Variants in AGBL1 observed in about 807,000 individuals in gnomAD.
AGBL1 encodes the protein cytosolic carboxypeptidase 4.
A neutral mutation model predicts 118.9 loss-of-function variants in AGBL1; 130 were observed. That is an observed-to-expected ratio of 1.09 (90% confidence interval 0.95 to 1.26). The LOEUF (loss-of-function observed/expected upper bound fraction) is 1.26, where lower values mean the gene tolerates loss of function less well. Ranked by LOEUF, AGBL1 falls within the 50% of genes most tolerant of loss-of-function variation. The pLI is 0.00. For missense variants in AGBL1, 1,584 were observed against 1,298.1 expected (o/e 1.22, Z -3.38); for synonymous variants, 555 against 478.9 (o/e 1.16, Z -2.08).
At chr15:86,156,438 G>A (rs1230128051) in intron 4 of AGBL1, among the ~76,000 whole-genome samples, 1 of 152,048 alleles carries the variant, frequency 6.6e-6, no homozygotes, top group Non-Finnish European at 1.5e-5. Flanking sequence ...CACCTTAATG[G>A]CCTCATTTTA....
intron 21 of AGBL1, among the ~76,000 whole-genome samples, chr15:86,568,942 GAAAATAAATAATTCCT>G (rs2083959953): frequency 6.6e-6 from 1 of 151,654 alleles, no homozygotes; most frequent in Non-Finnish European, 1.5e-5. Context: ...TTTAAAAGTT[GAAAATAAATAATTCCT>G]AGTATGAGAT....
chr15:86,597,522 A>G (rs775350803), intron 21 of AGBL1, among the ~76,000 whole-genome samples: 3 of 152,174 alleles, frequency 2.0e-5, no homozygotes, highest in Admixed American at 6.6e-5. Flanking sequence ...CACTAGAAGT[A>G]TAAGACATCT....
chr15:86,588,391 G>A (rs879665711), intron 21 of AGBL1, among the ~76,000 whole-genome samples: 18 of 152,256 alleles, frequency 1.2e-4, no homozygotes, highest in Non-Finnish European at 2.4e-4. Flanking sequence ...CCTAAACAAC[G>A]AGATATGCCT....
intron 22 of AGBL1, among the ~76,000 whole-genome samples, chr15:86,854,437 C>T (rs1368441815): frequency 2.6e-5 from 4 of 152,286 alleles, no homozygotes; most frequent in Non-Finnish European, 5.9e-5. Context: ...TTAATTAGCA[C>T]TCTGATGGGT....
At chr15:86,681,892 G>A (rs557731845) in intron 22 of AGBL1, among the ~76,000 whole-genome samples, 1 of 152,226 alleles carries the variant, frequency 6.6e-6, no homozygotes, top group South Asian at 2.1e-4. Context: ...TAATGTCTAT[G>A]GGCCAAAATG....
intron 21 of AGBL1, among the ~76,000 whole-genome samples, chr15:86,631,905 T>G (rs1347881256): frequency 6.6e-6 from 1 of 152,120 alleles, no homozygotes; most frequent in Non-Finnish European, 1.5e-5. Flanking sequence ...GTTAATTAGG[T>G]CGGCCAGGTG....
rs140855819 is a variant in AGBL1, at chr15:86,358,630, A to G, written c.2375-38736A>G. On this transcript the variant is annotated intron_variant, in intron 17 of 22. Transcript: ENST00000614907. ...ACTGTTTTGCATAATGGCTTTACCA[A>G]TTTACATATCCACTAGCAGTGTGCA... 5.7e-4 allele frequency among the ~76,000 whole-genome samples: 87 copies of G among 152,080 alleles called. 1 individual carries two copies. Among genetic ancestry groups the G allele is most frequent in the African/African-American group, 2.0e-3 (82 of 41,532 alleles).
intron 5 of AGBL1, among the ~76,000 whole-genome samples, chr15:86,172,996 A>G (rs1436986505): frequency 6.6e-6 from 1 of 152,052 alleles, no homozygotes; most frequent in Non-Finnish European, 1.5e-5. Flanking sequence ...TTTTCTCCAC[A>G]TCCTTGCCAG....
intron 17 of AGBL1, among the ~76,000 whole-genome samples, chr15:86,308,963 T>G (rs556621460): frequency 6.6e-6 from 1 of 152,356 alleles, no homozygotes; most frequent in South Asian, 2.1e-4. Flanking sequence ...CTGTGAAAAG[T>G]ATCATTGGAA....
intron 17 of AGBL1, among the ~76,000 whole-genome samples, chr15:86,377,972 G>A (rs80297886): frequency 3.2e-4 from 49 of 152,232 alleles, no homozygotes; most frequent in African/African-American, 9.4e-4. Context: ...AATAACAATG[G>A]TAGGAAAAAA....
rs544588575 is a variant in AGBL1 at position 86,178,190 on chromosome 15, G to A, written c.488+19164G>A. On this transcript the variant is annotated intron_variant, in intron 5 of 22. Coordinates refer to ENST00000614907, the MANE Select transcript of AGBL1 (RefSeq NM_001386094.1). ...TAGTTGGGTGTGGTGGCACCTGCCC[G>A]TAATCCCAGCTACGTGGGAGGCTGA... 3.5e-4 allele frequency among the ~76,000 whole-genome samples: 53 copies of A among 152,234 alleles called. 1 individual carries two copies. The highest frequency in any genetic ancestry group is 9.9e-4 in the African/African-American group (41 of 41,544).
intron 22 of AGBL1, among the ~76,000 whole-genome samples, chr15:86,785,212 CT>C: frequency 6.6e-6 from 1 of 151,948 alleles, no homozygotes; most frequent in East Asian, 1.9e-4. Flanking sequence ...TAGTAAGGGG[CT>C]TAAGTGTCTG....
chr15:87,001,664 T>C (rs1186708825), intron 24 of AGBL1, among the ~76,000 whole-genome samples: 1 of 152,090 alleles, frequency 6.6e-6, no homozygotes, highest in Non-Finnish European at 1.5e-5. Flanking sequence ...TTTTTAATGA[T>C]CGCCATTCTA....
chr15:86,807,239 G>A (rs755606380), intron 22 of AGBL1, among the ~76,000 whole-genome samples: 5 of 152,260 alleles, frequency 3.3e-5, no homozygotes, highest in Admixed American at 3.3e-4. Flanking sequence ...CAAATAGACA[G>A]CCAGGGTCTG....
At chr15:86,413,295 G>A (rs565914858) in intron 18 of AGBL1, among the ~76,000 whole-genome samples, 7 of 152,248 alleles carry the variant, frequency 4.6e-5, no homozygotes, top group Admixed American at 3.9e-4. Context: ...TTACATGCAA[G>A]GATAACATAT....
intron 17 of AGBL1, among the ~76,000 whole-genome samples, chr15:86,329,150 G>C (rs1421529876): frequency 2.0e-5 from 3 of 152,136 alleles, no homozygotes; most frequent in Non-Finnish European, 4.4e-5. Flanking sequence ...GAACCAGTCT[G>C]CATGTATCAT....
intron 23 of AGBL1, among the ~76,000 whole-genome samples, chr15:86,975,195 G>A (rs1394033376): frequency 6.6e-6 from 1 of 151,476 alleles, no homozygotes; most frequent in African/African-American, 2.4e-5. Flanking sequence ...TGACATACCG[G>A]AGACTAGGTA....
chr15:86,209,199 G>T (rs929379706), intron 5 of AGBL1, among the ~76,000 whole-genome samples: 4 of 152,124 alleles, frequency 2.6e-5, no homozygotes, highest in African/African-American at 9.7e-5. Context: ...TGTGATTTCT[G>T]TTCTTTTACA....
At chr15:86,635,250 T>A (rs147065668) in intron 21 of AGBL1, among the ~76,000 whole-genome samples, 1 of 116,276 alleles carries the variant, frequency 8.6e-6, no homozygotes, top group African/African-American at 3.5e-5. Flanking sequence ...TTTCTCCTCC[T>A]CCTCCCCCTC....
Sources: gnomAD v4.1 joint callset for allele counts (sites outside exome capture counted in the v4.1 genomes callset) on GRCh38, gnomAD v4.1.1 for gene constraint, MANE v1.5 for transcripts, NCBI Gene and HGNC (gene_info 2026-07-23, HGNC 2026-07-21) for gene names.